ABLIM1: variants seen among roughly 807,000 people sequenced by gnomAD.
ABLIM1 encodes the protein actin-binding LIM protein 1.
ABLIM1 carries 40 observed loss-of-function variants against 107.0 expected under a neutral mutation model. That is an observed-to-expected ratio of 0.37 (90% CI 0.29 to 0.49). The LOEUF (loss-of-function observed/expected upper bound fraction) is 0.49. Among genes scored for constraint, ABLIM1 ranks in the 20% least tolerant of loss-of-function variants. The pLI is 0.97. For synonymous variants in ABLIM1, 357 were observed against 357.3 expected, an observed-to-expected ratio of 1.00 and a Z score of 0.01; for missense variants, 857 against 1,008.5, an observed-to-expected ratio of 0.85 and a Z score of 2.04.
chr10:114,767,154 T>C (rs866823945), intron 1 of ABLIM1, among the ~76,000 whole-genome samples: 1 of 151,772 alleles, frequency 6.6e-6, no homozygotes, highest in Admixed American at 6.6e-5. Context: ...ATTCCTAAAC[T>C]CCTTCCAAAA....
intron 14 of ABLIM1, 146 bp from the exon 15 acceptor site, chr10:114,448,166 C>T: frequency 1.0e-6 from 1 of 987,192 alleles, no homozygotes; most frequent in East Asian, 2.5e-5. Context: ...ATGGCCCAGT[C>T]ACTCAGAGGT....
chr10:114,602,501 G>C (rs1319871744), intron 1 of ABLIM1, among the ~76,000 whole-genome samples: 1 of 152,194 alleles, frequency 6.6e-6, no homozygotes, highest in Admixed American at 6.5e-5. Flanking sequence ...TAGCAGTGCT[G>C]AACAGTTTCT....
At chr10:114,474,351 C>T (rs901707829) in intron 8 of ABLIM1, among the ~76,000 whole-genome samples, 2 of 151,596 alleles carry the variant, frequency 1.3e-5, no homozygotes, top group Non-Finnish European at 2.9e-5. Flanking sequence ...TTCTTCAAAT[C>T]AAATCCACCT....
At chr10:114,541,815 T>C (rs577840403) in intron 6 of ABLIM1, among the ~76,000 whole-genome samples, 2 of 152,314 alleles carry the variant, frequency 1.3e-5, no homozygotes, top group South Asian at 4.1e-4. Flanking sequence ...TAAGCACATG[T>C]TTCTTCCAAA....
intron 1 of ABLIM1, among the ~76,000 whole-genome samples, chr10:114,764,604 C>T (rs184026014): frequency 3.3e-5 from 5 of 152,026 alleles, no homozygotes; most frequent in South Asian, 2.1e-4. Context: ...AGCCTCCCAA[C>T]GTGCTGGGAT....
chr10:114,669,466 T>C (rs2080162565), intron 1 of ABLIM1, among the ~76,000 whole-genome samples: 1 of 152,200 alleles, frequency 6.6e-6, no homozygotes, highest in Non-Finnish European at 1.5e-5. Context: ...CCAGGGAATA[T>C]TACCCCTTTC....
chr10:114,523,854 G>A (rs1185662980), intron 6 of ABLIM1, among the ~76,000 whole-genome samples: 1 of 152,154 alleles, frequency 6.6e-6, no homozygotes. Context: ...TATCCTGGGG[G>A]CAAATAGACC....
chr10:114,542,596 GGAA>G (rs1011181472), intron 6 of ABLIM1, among the ~76,000 whole-genome samples: 2 of 150,896 alleles, frequency 1.3e-5, no homozygotes, highest in African/African-American at 4.9e-5. Context: ...GGAGGAAGGA[GGAA>G]GAAGAAGAAA....
At chr10:114,758,110 TC>T (rs1591951881) in intron 1 of ABLIM1, among the ~76,000 whole-genome samples, 2 of 152,162 alleles carry the variant, frequency 1.3e-5, no homozygotes, top group African/African-American at 4.8e-5. Context: ...AATAGCACCT[TC>T]CCCACACTCT....
chr10:114,725,969 AAC>A (rs2081950821), intron 1 of ABLIM1, among the ~76,000 whole-genome samples: 1 of 151,932 alleles, frequency 6.6e-6, no homozygotes, highest in Non-Finnish European at 1.5e-5. Context: ...GCTGGTCTTG[AAC>A]CCCTGGGCTC....
intron 5 of ABLIM1, among the ~76,000 whole-genome samples, chr10:114,545,898 TCCAG>T (rs1359887535): frequency 7.3e-6 from 1 of 136,300 alleles, no homozygotes; most frequent in Non-Finnish European, 1.5e-5. Context: ...ACCATTGCAT[TCCAG>T]CCTGGGTGAC....
chr10:114,684,084 A>G (rs949794055), intron 1 of ABLIM1, among the ~76,000 whole-genome samples: 1 of 152,220 alleles, frequency 6.6e-6, no homozygotes, highest in Non-Finnish European at 1.5e-5. Context: ...TATTAAGAAT[A>G]TATGTAAATA....
chr10:114,672,086 G>A (rs1392608088), intron 1 of ABLIM1, among the ~76,000 whole-genome samples: 4 of 151,806 alleles, frequency 2.6e-5, no homozygotes, highest in South Asian at 2.1e-4. Context: ...TATGTTGCCC[G>A]GGCTGGTCTT....
intron 1 of ABLIM1, among the ~76,000 whole-genome samples, chr10:114,607,591 A>G (rs1265455492): frequency 6.6e-6 from 1 of 152,232 alleles, no homozygotes; most frequent in Non-Finnish European, 1.5e-5. Context: ...GACAGAATGT[A>G]CCTTTGATAT....
intron 12 of ABLIM1, chr10:114,463,053 T>C (rs781723241): frequency 7.5e-7 from 1 of 1,330,756 alleles, no homozygotes; most frequent in African/African-American, 1.6e-5. Flanking sequence ...ACCTTTGATA[T>C]GGGGAATGAA....
chr10:114,772,580 C>G (rs959138451), upstream of ABLIM1, among the ~76,000 whole-genome samples: 2 of 152,042 alleles, frequency 1.3e-5, no homozygotes, highest in Admixed American at 1.3e-4. Context: ...GCACTCCAGC[C>G]TGGGTGACAG....
At chr10:114,659,666 T>C (rs1436084543), upstream of ABLIM1, among the ~76,000 whole-genome samples, 6 of 152,230 alleles carry the variant, frequency 3.9e-5, no homozygotes, top group African/African-American at 1.4e-4. Context: ...TGCATACATG[T>C]GCCATGTTGG....
intron 1 of ABLIM1, among the ~76,000 whole-genome samples, chr10:114,654,093 A>C (rs775572101): frequency 4.6e-5 from 7 of 152,092 alleles, no homozygotes; most frequent in Non-Finnish European, 8.8e-5. Context: ...GCTCCTGAAC[A>C]CTCTGGGGCT....
chr10:114,782,203 ACATATACCCTGCACCAGGCCT>A, the ABLIM1 span, among the ~76,000 whole-genome samples: 2 of 152,118 alleles, frequency 1.3e-5, no homozygotes, highest in African/African-American at 4.8e-5. Flanking sequence ...TTCTGATTTA[ACATATACCCTGCACCAGGCCT>A]CATGCTAAGA....
Sources: gnomAD v4.1 joint callset for allele counts (sites outside exome capture counted in the v4.1 genomes callset) on GRCh38, gnomAD v4.1.1 for gene constraint, MANE v1.5 for transcripts, NCBI Gene and HGNC (gene_info 2026-07-23, HGNC 2026-07-21) for gene names.